Variants in ARMH3 observed in about 807,000 individuals in gnomAD.
ARMH3 encodes the protein armadillo like helical domain containing 3.
Under a neutral mutation model 99.1 loss-of-function variants are expected in ARMH3, and 60 were observed. That is an observed-to-expected ratio of 0.61 (90% CI 0.49 to 0.75). ARMH3 has a LOEUF of 0.75. Among genes scored for constraint, ARMH3 ranks in the 30% least tolerant of loss-of-function variants. The probability of loss-of-function intolerance (pLI) is 0.00; values close to 1 mark genes in which losing one functional copy is unlikely to be tolerated. For synonymous variants in ARMH3, 285 were observed against 292.8 expected (o/e 0.97, Z 0.27); for missense variants, 679 against 843.1 (o/e 0.81, Z 2.41).
chr10:101,930,442 C>T (rs1018783934), intron 23 of ARMH3, among the ~76,000 whole-genome samples: 15 of 151,844 alleles, frequency 9.9e-5, no homozygotes, highest in African/African-American at 3.1e-4. Context: ...TTTGCACCAA[C>T]CTATAAAACC....
intron 8 of ARMH3, among the ~76,000 whole-genome samples, chr10:102,022,428 C>T (rs2066906362): frequency 7.1e-6 from 1 of 140,262 alleles, no homozygotes. Context: ...GGAGGCGGAG[C>T]TTGCAGTGAG....
At chr10:101,987,990 A>G (rs1846590043) in intron 19 of ARMH3, among the ~76,000 whole-genome samples, 1 of 152,208 alleles carries the variant, frequency 6.6e-6, no homozygotes, top group African/African-American at 2.4e-5. Context: ...AAGTATGCAT[A>G]TTACCTTTAT....
chr10:101,853,187 G>A lies in ARMH3; in HGVS notation c.1861-3295C>T, dbSNP rs534237152. On this transcript the variant is annotated intron_variant, in intron 24 of 25. Coordinates refer to ENST00000370033, the MANE Select transcript of ARMH3 (RefSeq NM_024541.3). The stretch of plus-strand genomic sequence containing the variant: ...ATTACAGGCGTGAGTCACAGCGCCC[G>A]GCCTTCCCTGGCCCTTTCTTGTGGG... Among the ~76,000 whole-genome samples the A allele has an allele frequency of 5.3e-5, 8 of 151,818 alleles. No homozygotes were observed. The East Asian group carries it at 5.8e-4, about 11-fold the overall frequency.
chr10:102,025,761 C>T (rs541086641), intron 5 of ARMH3, among the ~76,000 whole-genome samples: 1 of 152,080 alleles, frequency 6.6e-6, no homozygotes, highest in Non-Finnish European at 1.5e-5. Flanking sequence ...GTCATCCTCC[C>T]ACCTCAGCCT....
intron 24 of ARMH3, among the ~76,000 whole-genome samples, chr10:101,866,066 C>A (rs2066994915): frequency 6.6e-6 from 1 of 151,580 alleles, no homozygotes; most frequent in Admixed American, 6.6e-5. Flanking sequence ...ACTAAAAATA[C>A]AAAAATTAGC....
intron 23 of ARMH3, among the ~76,000 whole-genome samples, chr10:101,926,875 T>A (rs187389142): frequency 6.6e-6 from 1 of 152,192 alleles, no homozygotes; most frequent in Admixed American, 6.5e-5. Context: ...AAGCAGCCCA[T>A]CTCCAGAGAG....
At chr10:102,009,939 A>G in intron 12 of ARMH3, 38 bp downstream of exon 12, 1 of 1,594,838 alleles carries the variant, frequency 6.3e-7, no homozygotes, top group Non-Finnish European at 8.6e-7. Context: ...AGCCCACACT[A>G]AAGTCCAAGT....
chr10:101,931,515 A>C (rs978315980), intron 23 of ARMH3, among the ~76,000 whole-genome samples: 2 of 152,060 alleles, frequency 1.3e-5, no homozygotes, highest in Non-Finnish European at 2.9e-5. Flanking sequence ...ACAAGAACAA[A>C]ACTGTCACAA....
rs531365402 is a variant in ARMH3, at chr10:101,953,818, G to GC, written c.1705+2778dup. On this transcript the variant is annotated intron_variant, in intron 22 of 25. Transcript: ENST00000370033. Reference sequence around the variant, plus strand: ...AACATGCATTTTGGAAAACGGTTTGGCGGTTTCTTATATAGTTAAAACATA... The same window carrying GC: ...AACATGCATTTTGGAAAACGGTTTGGCCGGTTTCTTATATAGTTAAAACATA... Among the ~76,000 whole-genome samples the GC allele has an allele frequency of 1.8e-4, 28 of 152,184 alleles. No homozygotes were observed. The East Asian group carries it at 4.8e-3, about 26-fold the overall frequency.
intron 24 of ARMH3, among the ~76,000 whole-genome samples, chr10:101,876,848 G>C (rs927671180): frequency 1.3e-5 from 2 of 152,138 alleles, no homozygotes; most frequent in African/African-American, 2.4e-5. Flanking sequence ...CTAGTAACCA[G>C]GATAAAAGAT....
At chr10:101,890,902 T>A (rs1187293288) in intron 23 of ARMH3, among the ~76,000 whole-genome samples, 1 of 142,412 alleles carries the variant, frequency 7.0e-6, no homozygotes, top group Admixed American at 7.3e-5. Flanking sequence ...TGAGACAGGG[T>A]CTCACTTTGT....
At chr10:101,910,742 A>C (rs1410042677) in intron 23 of ARMH3, among the ~76,000 whole-genome samples, 1 of 151,616 alleles carries the variant, frequency 6.6e-6, no homozygotes, top group Non-Finnish European at 1.5e-5. Context: ...AAAAAAAAAA[A>C]AAAAACAACA....
chr10:102,023,396 A>G, intron 8 of ARMH3, 81 bp downstream of exon 8: 1 of 1,295,124 alleles, frequency 7.7e-7, no homozygotes, highest in South Asian at 1.3e-5. Flanking sequence ...CGTCTTCTAC[A>G]TTAAGCAAAG....
At chr10:101,856,382 T>C (rs1259113489) in intron 24 of ARMH3, among the ~76,000 whole-genome samples, 5 of 152,214 alleles carry the variant, frequency 3.3e-5, no homozygotes, top group African/African-American at 1.2e-4. Flanking sequence ...TTAATTGGGC[T>C]TTTTAGGCCT....
intron 23 of ARMH3, among the ~76,000 whole-genome samples, chr10:101,900,967 G>A (rs1365812255): frequency 2.6e-5 from 4 of 151,952 alleles, no homozygotes; most frequent in African/African-American, 7.3e-5. Flanking sequence ...CTGGGCAACA[G>A]AGCAAGACCC....
chr10:101,907,360 G>A (rs1157147454), intron 23 of ARMH3, among the ~76,000 whole-genome samples: 1 of 151,594 alleles, frequency 6.6e-6, no homozygotes, highest in Non-Finnish European at 1.5e-5. Flanking sequence ...CAGGAACTGG[G>A]ATAACTGTTT....
At chr10:101,860,426 T>C (rs539268570) in intron 24 of ARMH3, among the ~76,000 whole-genome samples, 3 of 152,228 alleles carry the variant, frequency 2.0e-5, no homozygotes, top group African/African-American at 7.2e-5. Context: ...TGTCAGATAC[T>C]GGATATCAGG....
intron 22 of ARMH3, among the ~76,000 whole-genome samples, chr10:101,946,852 T>C (rs1430904709): frequency 6.6e-6 from 1 of 150,874 alleles, no homozygotes; most frequent in East Asian, 1.9e-4. Flanking sequence ...TGCATAGATA[T>C]ATTACAATCA....
chr10:101,994,961 G>A (rs137986489), intron 16 of ARMH3, among the ~76,000 whole-genome samples: 220 of 152,268 alleles, frequency 1.4e-3, no homozygotes, highest in African/African-American at 5.1e-3. Flanking sequence ...GCTTGAACCT[G>A]GGAGGTGGAG....
Sources: gnomAD v4.1 joint callset for allele counts (sites outside exome capture counted in the v4.1 genomes callset) on GRCh38, gnomAD v4.1.1 for gene constraint, MANE v1.5 for transcripts, NCBI Gene and HGNC (gene_info 2026-07-23, HGNC 2026-07-21) for gene names.